The following HAUS6 variants were observed in gnomAD, a reference collection of about 807,000 sequenced individuals.
HAUS6 encodes HAUS augmin-like complex subunit 6.
HAUS6 carries 80 observed loss-of-function variants against 106.8 expected under a neutral mutation model. That is an observed-to-expected ratio of 0.75 (90% CI 0.63 to 0.90). The LOEUF (loss-of-function observed/expected upper bound fraction) is 0.90. HAUS6 is among the 40% of genes least tolerant of loss of function. HAUS6 has a pLI of 0.00. For missense variants in HAUS6, 1,155 were observed against 1,118.1 expected (o/e 1.03, Z -0.47); for synonymous variants, 356 against 379.1 (o/e 0.94, Z 0.71).
chr9:19,063,457 T>C, intron 13 of HAUS6, 57 bp downstream of exon 13: 2 of 846,860 alleles, frequency 2.4e-6, no homozygotes, highest in East Asian at 5.5e-5. Flanking sequence ...CAAAAATAAA[T>C]AATATTTTAT....
chr9:19,067,590 C>T (rs1356698098), intron 12 of HAUS6, among the ~76,000 whole-genome samples: 1 of 152,068 alleles, frequency 6.6e-6, no homozygotes, highest in Non-Finnish European at 1.5e-5. Context: ...CTTCTTTTTC[C>T]TATATTAAGA....
chr9:19,094,429 C>T (rs367980270), intron 2 of HAUS6, 34 bp from the exon 3 acceptor site: 7 of 1,172,526 alleles, frequency 6.0e-6, no homozygotes, highest in African/African-American at 4.7e-5. Flanking sequence ...AAGGACTATG[C>T]ACAACAATAG....
At chr9:19,085,911 C>A (rs145698822) in intron 7 of HAUS6, among the ~76,000 whole-genome samples, 160 of 151,752 alleles carry the variant, frequency 1.1e-3, no homozygotes, top group African/African-American at 3.0e-3. Context: ...AGCTTATGAA[C>A]TATAAGTTCA....
At chr9:19,095,734 T>C (rs887830674) in intron 2 of HAUS6, among the ~76,000 whole-genome samples, 1 of 152,126 alleles carries the variant, frequency 6.6e-6, no homozygotes, top group Non-Finnish European at 1.5e-5. Flanking sequence ...AATATAAATA[T>C]CAAAATAAAT....
At chr9:19,070,516 C>A (rs1443763392) in intron 11 of HAUS6, among the ~76,000 whole-genome samples, 1 of 152,084 alleles carries the variant, frequency 6.6e-6, no homozygotes, top group African/African-American at 2.4e-5. Context: ...GAAATGATGG[C>A]TAATACTAAA....
In HAUS6 at chr9:19,058,735, G is replaced by A. The variant is rs138541318; in HGVS notation, c.2032C>T (p.Pro678Ser). Residue 678 changes from proline (P) to serine (S), a missense_variant, in exon 16 of 17, where the codon CCA (proline) becomes TCA (serine). By Grantham distance (74) the Pro-to-Ser change is moderately conservative. Transcript: ENST00000380502. Reference sequence around the variant, plus strand: ...AAATCTGACTGATTTTGTGTTGGTGGTTCATCTATGTGACTGGTCAGCACA... The same window carrying A: ...AAATCTGACTGATTTTGTGTTGGTGATTCATCTATGTGACTGGTCAGCACA... The part of the protein sequence containing the change: ...KHVLTSHIDE[P>S]PTQNQSDLLN... 430 of 1,614,068 alleles carry A rather than the reference G, an allele frequency of 2.7e-4. 1 individual carries two copies. The African/African-American group carries it at 5.0e-3, about 19-fold the overall frequency.
chr9:19,098,201 G>C (rs1817903400), intron 1 of HAUS6, among the ~76,000 whole-genome samples: 1 of 152,170 alleles, frequency 6.6e-6, no homozygotes, highest in Non-Finnish European at 1.5e-5. Flanking sequence ...AGCATTTTGG[G>C]AGGCCAAGGC....
intron 7 of HAUS6, among the ~76,000 whole-genome samples, chr9:19,086,483 G>A (rs920165424): frequency 1.3e-5 from 2 of 151,850 alleles, no homozygotes; most frequent in East Asian, 1.9e-4. Context: ...AGCCAGGCGT[G>A]GTGGCGCATG....
intron 5 of HAUS6, 87 bp downstream of exon 5, chr9:19,089,325 A>G: frequency 1.2e-6 from 1 of 803,128 alleles, no homozygotes; most frequent in Non-Finnish European, 2.0e-6. Flanking sequence ...GTTTTCAGGT[A>G]GGCATGGATT....
At chr9:19,060,493 G>A (rs940280160) in intron 14 of HAUS6, among the ~76,000 whole-genome samples, 1 of 152,204 alleles carries the variant, frequency 6.6e-6, no homozygotes, top group Non-Finnish European at 1.5e-5. Context: ...CTTTATGCTG[G>A]GAAGATTTAG....
At chr9:19,065,968 C>G (rs1277554171) in intron 12 of HAUS6, among the ~76,000 whole-genome samples, 1 of 147,108 alleles carries the variant, frequency 6.8e-6, no homozygotes, top group African/African-American at 2.5e-5. Context: ...CAGACTCTCA[C>G]TCTGTCGCCC....
chr9:19,087,833 C>A (rs1179289619), intron 5 of HAUS6, among the ~76,000 whole-genome samples: 1 of 106,970 alleles, frequency 9.3e-6, no homozygotes, highest in Non-Finnish European at 1.8e-5. Flanking sequence ...AGCAACAGAG[C>A]AAGACCTTGT....
chr9:19,062,887 A>T, intron 14 of HAUS6, 121 bp downstream of exon 14: 1 of 759,948 alleles, frequency 1.3e-6, no homozygotes, highest in Non-Finnish European at 2.2e-6. Flanking sequence ...GCTGGTCTCG[A>T]ACTTCTGGGC....
At chr9:19,090,000 T>G (rs1817711051) in intron 4 of HAUS6, among the ~76,000 whole-genome samples, 2 of 148,114 alleles carry the variant, frequency 1.4e-5, no homozygotes. Context: ...GCCCAGCTAG[T>G]TTTTTTTTTA....
intron 11 of HAUS6, among the ~76,000 whole-genome samples, chr9:19,073,455 C>T (rs559264855): frequency 2.0e-4 from 30 of 151,310 alleles, no homozygotes; most frequent in Non-Finnish European, 3.4e-4. Context: ...AGTACAACTT[C>T]CAACTGGACT....
intron 5 of HAUS6, among the ~76,000 whole-genome samples, chr9:19,087,931 T>C (rs1817658118): frequency 6.6e-6 from 1 of 151,440 alleles, no homozygotes; most frequent in Admixed American, 6.6e-5. Flanking sequence ...TTGTCTGTCC[T>C]GTTTAATTCT....
intron 14 of HAUS6, 33 bp downstream of exon 14, chr9:19,062,975 T>A (rs1008156145): frequency 1.4e-6 from 2 of 1,480,292 alleles, no homozygotes; most frequent in Admixed American, 1.7e-5. Flanking sequence ...CAATAACTGA[T>A]ATTTAAGTAT....
chr9:19,084,797 T>C (rs1433570661), intron 7 of HAUS6, among the ~76,000 whole-genome samples: 3 of 147,022 alleles, frequency 2.0e-5, no homozygotes, highest in Non-Finnish European at 4.5e-5. Context: ...CACACCAGAC[T>C]ACTTTTTTAT....
At chr9:19,088,188 G>A (rs1321363439) in intron 5 of HAUS6, among the ~76,000 whole-genome samples, 1 of 152,192 alleles carries the variant, frequency 6.6e-6, no homozygotes, top group Non-Finnish European at 1.5e-5. Context: ...GCTGAGGCGG[G>A]TGGATCACCT....
Sources: gnomAD v4.1 joint callset for allele counts (sites outside exome capture counted in the v4.1 genomes callset) on GRCh38, gnomAD v4.1.1 for gene constraint, MANE v1.5 for transcripts, NCBI Gene and HGNC (gene_info 2026-07-23, HGNC 2026-07-21) for gene names.